PLAGL1: variants seen among roughly 807,000 people sequenced by gnomAD.
The protein encoded by PLAGL1 is PLAG1 like zinc finger 1.
Under a neutral mutation model 4.6 loss-of-function variants are expected in PLAGL1, and 1 was observed. The observed-to-expected ratio is 0.22, with a 90% CI of 0.08 to 1.03. The LOEUF is 1.03. Ranked by LOEUF, PLAGL1 falls within the 50% of genes least tolerant of loss-of-function variation. PLAGL1 has a pLI of 0.58. For missense variants in PLAGL1, 464 were observed against 570.4 expected (o/e 0.81, Z 1.90); for synonymous variants, 240 against 237.8 (o/e 1.01, Z -0.08).
chr6:144,031,177 G>A (rs1045584808), intron 1 of PLAGL1, among the ~76,000 whole-genome samples: 3 of 152,060 alleles, frequency 2.0e-5, no homozygotes, highest in Non-Finnish European at 2.9e-5. Flanking sequence ...GATATCCTTA[G>A]CCCGCTTTTT....
chr6:144,057,243 A>T (rs1799040917), intron 1 of PLAGL1, among the ~76,000 whole-genome samples: 1 of 152,274 alleles, frequency 6.6e-6, no homozygotes, highest in Admixed American at 6.5e-5. Context: ...AGACCTATAT[A>T]AAGACAAGGC....
In PLAGL1 at chr6:143,942,116, G is replaced by A. The variant is rs1280607992; in HGVS notation, c.700C>T (p.Leu234=). 1 of 1,613,942 alleles carries A rather than the reference G, an allele frequency of 6.2e-7. No homozygotes were observed. The highest frequency in any genetic ancestry group is 1.1e-5 in the South Asian group (1 of 91,066). Residue 234 remains leucine (L), a synonymous_variant, in exon 8 of 8, where the codon CTG becomes TTG. Transcript: ENST00000674357. The surrounding 1 kb of genome is among the most constrained non-coding windows in gnomAD (Gnocchi z 7.6). ...TFHTISPSFQ[L]KAAALPPFPL... is the part of the protein sequence containing the mutation. ...AAAGGAGGCAAGGCAGCAGCCTTCA[G>A]TTGGAATGAAGGCGAGATGGTGTGG...
At chr6:144,025,711 G>A (rs1337358609) in intron 1 of PLAGL1, among the ~76,000 whole-genome samples, 2 of 152,032 alleles carry the variant, frequency 1.3e-5, no homozygotes, top group Non-Finnish European at 2.9e-5. Flanking sequence ...CCAATATGGT[G>A]AAACCTTGTC....
chr6:143,955,139 G>C lies in PLAGL1; in HGVS notation c.-325+5330C>G, dbSNP rs1429914537. Among the ~76,000 whole-genome samples the C allele has an allele frequency of 6.6e-6, 1 of 152,228 alleles. No individual in the cohort carries two copies. The highest frequency in any genetic ancestry group is 1.5e-5 in the Non-Finnish European group (1 of 68,040). On this transcript the variant is annotated intron_variant, in intron 6 of 7. Transcript: ENST00000674357. This position sits in a 1 kb window ranked among gnomAD's most constrained non-coding sequence, Gnocchi z 4.9. ...GTGAAAATCATTACTAAAACTTGAGGTGGTGGTTGTCTAGGCAGTGACCAT... is the reference window on the plus strand; with the variant it reads ...GTGAAAATCATTACTAAAACTTGAGCTGGTGGTTGTCTAGGCAGTGACCAT...
chr6:143,992,385 G>A (rs1790671065), intron 1 of PLAGL1, among the ~76,000 whole-genome samples: 1 of 152,184 alleles, frequency 6.6e-6, no homozygotes, highest in Non-Finnish European at 1.5e-5. Flanking sequence ...TTTATTGTAA[G>A]CAAAAAATAA....
chr6:144,002,899 T>TTA (rs1177501511), intron 1 of PLAGL1, among the ~76,000 whole-genome samples: 5 of 151,388 alleles, frequency 3.3e-5, no homozygotes, highest in African/African-American at 1.2e-4. Flanking sequence ...TTTTTTTTTT[T>TTA]AATGGACATT....
At chr6:143,967,247 C>A (rs17615967) in intron 3 of PLAGL1, 4 of 152,042 alleles carry the variant, frequency 2.6e-5, no homozygotes, top group Non-Finnish European at 5.9e-5. Context: ...ATGCGTTACA[C>A]GTGTACATAC....
In PLAGL1 at chr6:144,015,765, C is replaced by T. The variant is rs999270377; in HGVS notation, c.-150-46787G>A. Among the ~76,000 whole-genome samples, 5 of 152,162 alleles carry T rather than the reference C, an allele frequency of 3.3e-5. No homozygotes were observed. The highest frequency in any genetic ancestry group is 5.9e-5 in the Non-Finnish European group (4 of 68,034). ...GACAATGTGGAAAAACTGGAACTCT[C>T]GCACATTGCTAGAAGAAATATAAAA... On this transcript the variant is annotated intron_variant, in intron 1 of 3. Coordinates refer to the PLAGL1 transcript ENST00000437412. The surrounding 1 kb of genome is among the most constrained non-coding windows in gnomAD (Gnocchi z 4.3).
At chr6:144,010,269 T>C (rs1795072549), upstream of PLAGL1, among the ~76,000 whole-genome samples, 1 of 152,174 alleles carries the variant, frequency 6.6e-6, no homozygotes, top group African/African-American at 2.4e-5. The surrounding 1 kb of genome is among the most constrained non-coding windows in gnomAD (Gnocchi z 4.1). Flanking sequence ...GGATACAAAA[T>C]CAATGTGCAA....
rs530768108 is a variant in PLAGL1 at position 143,982,174 on chromosome 6, T to G, written c.-544+2961A>C. Among the ~76,000 whole-genome samples, 1 of 151,650 alleles carries G rather than the reference T, an allele frequency of 6.6e-6. No homozygotes were observed. The highest frequency in any genetic ancestry group is 6.6e-5 in the Admixed American group (1 of 15,226). ...CAGATGGTGATTTTAAAAAAAAAAG[T>G]AATGAAGAGACAGGAAGTGCTAAGA... is the stretch of plus-strand genomic sequence containing the variant. On this transcript the variant is annotated intron_variant, in intron 2 of 7. Transcript: ENST00000674357. This position sits in a 1 kb window ranked among gnomAD's most constrained non-coding sequence, Gnocchi z 5.3.
At position 143,957,965 on chromosome 6, in the gene PLAGL1, G is replaced by A. The variant is rs1782513913; in HGVS notation, c.-325+2504C>T. ...TAGGCTGAGTCTAGGAGTATACCCG[G>A]TTGACAAATGGAGGAGGCATATTGC... On this transcript the variant is annotated intron_variant, in intron 6 of 7. Transcript: ENST00000674357. The surrounding 1 kb of genome is among the most constrained non-coding windows in gnomAD (Gnocchi z 4.2). Among the ~76,000 whole-genome samples the A allele has an allele frequency of 6.6e-6, 1 of 152,186 alleles. No individual in the cohort carries two copies. The highest frequency in any genetic ancestry group is 2.4e-5 in the African/African-American group (1 of 41,440).
chr6:144,030,781 A>G (rs961231960), intron 1 of PLAGL1, among the ~76,000 whole-genome samples: 7 of 152,172 alleles, frequency 4.6e-5, no homozygotes, highest in African/African-American at 1.7e-4. Context: ...TATTTTTGCA[A>G]TTGTGCTGCT....
chr6:143,959,650 T>G lies in PLAGL1; in HGVS notation c.-325+819A>C, dbSNP rs1011082564. On this transcript the variant is annotated intron_variant, in intron 6 of 7. Transcript: ENST00000674357. This position sits in a 1 kb window ranked among gnomAD's most constrained non-coding sequence, Gnocchi z 5.3. ...ATTTCCATCTCATAGCCCTAAGAGA[T>G]AGGTAGAAGGGCATCATTGTCCCCA... 1.3e-5 allele frequency among the ~76,000 whole-genome samples: 2 copies of G among 152,282 alleles called. No individual in the cohort carries two copies. Among genetic ancestry groups the G allele is most frequent in the Admixed American group, 1.3e-4 (2 of 15,294 alleles).
chr6:143,992,581 G>GTA, intron 1 of PLAGL1, among the ~76,000 whole-genome samples: 1 of 152,228 alleles, frequency 6.6e-6, no homozygotes, highest in Non-Finnish European at 1.5e-5. Flanking sequence ...CAGAAAGATA[G>GTA]TGATGTGTTT....
upstream of PLAGL1, chr6:144,008,955 A>T (rs2128684973): frequency 6.6e-6 from 1 of 152,274 alleles, no homozygotes; most frequent in Non-Finnish European, 1.5e-5. The surrounding 1 kb of genome is among the most constrained non-coding windows in gnomAD (Gnocchi z 6.9). Context: ...ATAATTTCAA[A>T]TTTTTCATGT....
In PLAGL1 at chr6:143,994,932, C is replaced by T. The variant is rs1791299767; in HGVS notation, c.-583-9758G>A. On this transcript the variant is annotated intron_variant, in intron 1 of 7. Transcript: ENST00000674357. This position sits in a 1 kb window ranked among gnomAD's most constrained non-coding sequence, Gnocchi z 4.3. ...TCACGGAGGTAATTGGACTATGTCA[C>T]ATCTCTCAGTGATGCCTCTATCTTG... Among the ~76,000 whole-genome samples the T allele has an allele frequency of 6.6e-6, 1 of 152,202 alleles. No individual in the cohort carries two copies. Among genetic ancestry groups the T allele is most frequent in the Non-Finnish European group, 1.5e-5 (1 of 68,032 alleles).
intron 2 of PLAGL1, among the ~76,000 whole-genome samples, chr6:143,981,964 C>A (rs1412004778): frequency 1.3e-5 from 2 of 152,222 alleles, no homozygotes; most frequent in East Asian, 1.9e-4. Context: ...TTTCATTAAA[C>A]CAGCATTTAT....
rs374462557 is a variant in PLAGL1 at position 143,941,964 on chromosome 6, G to C, written c.852C>G (p.Ser284=). 25 of 1,598,570 alleles carry C rather than the reference G, an allele frequency of 1.6e-5. No homozygotes were observed. Among genetic ancestry groups the C allele is most frequent in the Non-Finnish European group, 2.1e-5 (25 of 1,171,410 alleles). ...AGCCAGGGGATACCGAGGGGTGGAG[G>C]GAGGCCAGGGACTCTGGCAGCGGCT... The part of the protein sequence containing the change: ...PMQPLPESLA[S]LHPSVSPGSP... Residue 284 remains serine, a synonymous_variant, in exon 8 of 8, where the codon TCC becomes TCG. Transcript: ENST00000674357. The surrounding 1 kb of genome is among the most constrained non-coding windows in gnomAD (Gnocchi z 6.0).
chr6:143,942,722 G>T lies in PLAGL1; in HGVS notation c.153-59C>A. The stretch of plus-strand genomic sequence containing the variant: ...GTTGTTTTAAGAGCTGAAGAAAGGT[G>T]TAGCAACAATATTATATCAAAATGT... On this transcript the variant is annotated intron_variant, in intron 7 of 7. Coordinates refer to ENST00000674357, the MANE Select transcript of PLAGL1 (RefSeq NM_001317162.2). This position sits in a 1 kb window ranked among gnomAD's most constrained non-coding sequence, Gnocchi z 7.6. 8.0e-7 allele frequency: 1 copy of T among 1,251,184 alleles called. No individual in the cohort carries two copies. Among genetic ancestry groups the T allele is most frequent in the Non-Finnish European group, 1.1e-6 (1 of 890,120 alleles). The allele number at this position is 1,251,184 out of a possible 1,614,324, so 77.5% of individuals were successfully genotyped here.
Sources: allele counts gnomAD v4.1 joint callset (sites outside exome capture counted in the v4.1 genomes callset), GRCh38; gene constraint gnomAD v4.1.1; non-coding constraint Gnocchi (gnomAD v3.1); transcripts MANE v1.5; gene names NCBI Gene and HGNC (gene_info 2026-07-23, HGNC 2026-07-21).